Variants in UBE2G2 observed in about 807,000 individuals in gnomAD.
The protein encoded by UBE2G2 is ubiquitin conjugating enzyme E2 G2, also known as ubiquitin-conjugating enzyme E2 G2.
In UBE2G2, 10 loss-of-function variants were observed where a neutral mutation model predicts 23.0. That is an observed-to-expected ratio of 0.43 (90% CI 0.27 to 0.74). UBE2G2 has a LOEUF of 0.74. Among genes scored for constraint, UBE2G2 ranks in the 30% least tolerant of loss-of-function variants. The pLI is 0.19. For missense variants in UBE2G2, 150 were observed against 218.3 expected (o/e 0.69, Z 1.97); for synonymous variants, 86 against 81.3 (o/e 1.06, Z -0.31).
intron 1 of UBE2G2, among the ~76,000 whole-genome samples, chr21:44,796,938 C>G (rs145301795): frequency 6.6e-6 from 1 of 152,178 alleles, no homozygotes; most frequent in African/African-American, 2.4e-5. Context: ...CTCTGACCAC[C>G]CCCATCCTGC....
intron 1 of UBE2G2, among the ~76,000 whole-genome samples, chr21:44,793,183 ACTG>A (rs574417030): frequency 5.4e-4 from 83 of 152,368 alleles, no homozygotes; most frequent in African/African-American, 1.9e-3. Flanking sequence ...TAGACTGTAA[ACTG>A]CTAAGCAGGT....
chr21:44,768,948 C>G lies in UBE2G2; in HGVS notation c.*2429G>C, dbSNP rs1389855096. 1 of 152,176 alleles carries G rather than the reference C, an allele frequency of 6.6e-6. No homozygotes were observed. Among genetic ancestry groups the G allele is most frequent in the East Asian group, 1.9e-4 (1 of 5,178 alleles). The allele number at this position is 152,176 out of a possible 1,614,324, so 9.4% of individuals were successfully genotyped here. A position where few individuals can be genotyped will look rare whatever the true frequency, so the allele number is the denominator to read the frequency against. On this transcript the variant is annotated 3_prime_UTR_variant, in exon 6 of 6. Coordinates refer to ENST00000345496, the MANE Select transcript of UBE2G2 (RefSeq NM_003343.6). ...TAACCCAAGTCTGCAGAAAAGCCCC[C>G]ACCGTGAGGAATCCCAGCTGGGATG...
intron 1 of UBE2G2, among the ~76,000 whole-genome samples, chr21:44,796,687 C>T (rs1256625415): frequency 1.3e-5 from 2 of 152,202 alleles, no homozygotes; most frequent in East Asian, 3.8e-4. Flanking sequence ...TTGATGATCT[C>T]AGAGTTTCCA....
chr21:44,785,098 T>C (rs879995994), intron 3 of UBE2G2, among the ~76,000 whole-genome samples: 1 of 152,198 alleles, frequency 6.6e-6, no homozygotes, highest in Non-Finnish European at 1.5e-5. Flanking sequence ...GGGCAAGACC[T>C]GTAACCATCT....
chr21:44,781,262 G>A (rs2082954001), intron 3 of UBE2G2, among the ~76,000 whole-genome samples: 1 of 152,234 alleles, frequency 6.6e-6, no homozygotes, highest in Non-Finnish European at 1.5e-5. Flanking sequence ...TCCACTCTGG[G>A]GGAAGGATAA....
chr21:44,771,362 G>C lies in UBE2G2; in HGVS notation c.*15C>G. 6.2e-7 allele frequency: 1 copy of C among 1,609,886 alleles called. No homozygotes were observed. The highest frequency in any genetic ancestry group is 1.1e-5 in the South Asian group (1 of 91,038). On this transcript the variant is annotated 3_prime_UTR_variant, in exon 6 of 6. Coordinates refer to ENST00000345496, the MANE Select transcript of UBE2G2 (RefSeq NM_003343.6). This position sits in a 1 kb window ranked among gnomAD's most constrained non-coding sequence, Gnocchi z 4.6. ...GCTGCTTGGCGGTGTGTGCGCGCCT[G>C]TGCGAGGCCAGGTCTCACAGTCCCA... is the stretch of plus-strand genomic sequence containing the variant.
chr21:44,793,669 C>T (rs943109801), intron 1 of UBE2G2, among the ~76,000 whole-genome samples: 10 of 152,086 alleles, frequency 6.6e-5, no homozygotes, highest in Non-Finnish European at 1.2e-4. Flanking sequence ...AAAAAAGAGA[C>T]GAATCTTGGT....
intron 3 of UBE2G2, among the ~76,000 whole-genome samples, chr21:44,777,956 A>G (rs2082925752): frequency 6.6e-6 from 1 of 152,228 alleles, no homozygotes; most frequent in South Asian, 2.1e-4. Flanking sequence ...AAGTACAAAG[A>G]CTGAATTCCA....
In UBE2G2 at chr21:44,789,615, T is replaced by C. The variant is rs1423850668; in HGVS notation, c.44-1520A>G. Among the ~76,000 whole-genome samples the C allele has an allele frequency of 1.8e-4, 28 of 151,796 alleles. 1 individual carries two copies. The highest frequency in any genetic ancestry group is 1.7e-3 in the Admixed American group (26 of 15,248). On this transcript the variant is annotated intron_variant, in intron 1 of 5. Transcript: ENST00000345496. ...GGGCAGTCTTTTCCATGAATGATGC[T>C]CATCTCTAAGACAAAAAAAAATCAA...
rs1271391761 is a variant in UBE2G2, at chr21:44,770,158, C to T, written c.*1219G>A. The T allele has an allele frequency of 6.6e-6, 1 of 152,214 alleles. No individual in the cohort carries two copies. The highest frequency in any genetic ancestry group is 1.5e-5 in the Non-Finnish European group (1 of 68,042). The allele number at this position is 152,214 out of a possible 1,614,324, so 9.4% of individuals were successfully genotyped here. A position where few individuals can be genotyped will look rare whatever the true frequency, so the allele number is the denominator to read the frequency against. ...GCTCTGAGCTAAGATATGGTAGAGT[C>T]CCTTCTGAATTTTGAGTTGCAAAGA... On this transcript the variant is annotated 3_prime_UTR_variant, in exon 6 of 6. Coordinates refer to ENST00000345496, the MANE Select transcript of UBE2G2 (RefSeq NM_003343.6).
intron 4 of UBE2G2, chr21:44,773,949 G>C: frequency 2.8e-6 from 1 of 363,070 alleles, no homozygotes; most frequent in Non-Finnish European, 4.9e-6. Context: ...ACTTTCATAT[G>C]AATTTTTTTC....
chr21:44,778,377 C>T (rs560474100), intron 3 of UBE2G2, among the ~76,000 whole-genome samples: 1 of 152,332 alleles, frequency 6.6e-6, no homozygotes, highest in South Asian at 2.1e-4. Context: ...AGCAACTCCC[C>T]GTCATGGGCA....
At chr21:44,785,335 C>G (rs575854269) in intron 3 of UBE2G2, among the ~76,000 whole-genome samples, 1 of 152,288 alleles carries the variant, frequency 6.6e-6, no homozygotes, top group South Asian at 2.1e-4. Flanking sequence ...ACACAGCCTG[C>G]GGACTCTCAT....
chr21:44,788,734 C>A (rs1214074576), intron 1 of UBE2G2, among the ~76,000 whole-genome samples: 1 of 151,046 alleles, frequency 6.6e-6, no homozygotes, highest in Non-Finnish European at 1.5e-5. Flanking sequence ...GGGTCTCACT[C>A]TGGTTGCCCA....
At chr21:44,784,013 GGGCGTGGT>G (rs1271386271) in intron 3 of UBE2G2, among the ~76,000 whole-genome samples, 1 of 152,264 alleles carries the variant, frequency 6.6e-6, no homozygotes, top group East Asian at 1.9e-4. Context: ...AAAACTAGCT[GGGCGTGGT>G]GGTGTGCACC....
rs1473709992 is a variant in UBE2G2 at position 44,770,000 on chromosome 21, CCT to C, written c.*1375_*1376del. On this transcript the variant is annotated 3_prime_UTR_variant, in exon 6 of 6. Coordinates refer to ENST00000345496, the MANE Select transcript of UBE2G2 (RefSeq NM_003343.6). The stretch of plus-strand genomic sequence containing the variant: ...TCCTGGCCTGTGCTGCTCAGCTGGC[CCT>C]GTTAGAGAACATGGGAACCACATCA... 1.3e-5 allele frequency: 2 copies of C among 152,172 alleles called. No individual in the cohort carries two copies. Among genetic ancestry groups the C allele is most frequent in the Non-Finnish European group, 2.9e-5 (2 of 68,032 alleles). The allele number at this position is 152,172 out of a possible 1,614,324, so 9.4% of individuals were successfully genotyped here. A position where few individuals can be genotyped will look rare whatever the true frequency, so the allele number is the denominator to read the frequency against.
intron 4 of UBE2G2, 123 bp from the exon 5 acceptor site, chr21:44,773,810 A>C: frequency 7.4e-7 from 1 of 1,357,176 alleles, no homozygotes; most frequent in South Asian, 1.4e-5. Context: ...CTGTTTGCAC[A>C]GCTGGGGCAT....
rs2082870274 is a variant in UBE2G2 at position 44,771,105 on chromosome 21, A to T, written c.*272T>A. ...CCATGAACTGCTGGTTTCAGCGGGGAGAGGTAGTGCTGACAGCTCTGATAA... is the reference window on the plus strand; with the variant it reads ...CCATGAACTGCTGGTTTCAGCGGGGTGAGGTAGTGCTGACAGCTCTGATAA... On this transcript the variant is annotated 3_prime_UTR_variant, in exon 6 of 6. Transcript: ENST00000345496. This position sits in a 1 kb window ranked among gnomAD's most constrained non-coding sequence, Gnocchi z 4.6. 2 of 389,362 alleles carry T rather than the reference A, an allele frequency of 5.1e-6. No homozygotes were observed. The highest frequency in any genetic ancestry group is 2.1e-5 in the African/African-American group (1 of 48,424). The allele number at this position is 389,362 out of a possible 1,614,324, so 24.1% of individuals were successfully genotyped here.
chr21:44,786,601 T>C (rs551254586), intron 3 of UBE2G2, among the ~76,000 whole-genome samples: 2 of 152,304 alleles, frequency 1.3e-5, no homozygotes, highest in African/African-American at 4.8e-5. Context: ...GACCAACCCA[T>C]AGAGCATTAA....
Sources: allele counts gnomAD v4.1 joint callset (sites outside exome capture counted in the v4.1 genomes callset), GRCh38; gene constraint gnomAD v4.1.1; non-coding constraint Gnocchi (gnomAD v3.1); transcripts MANE v1.5; gene names NCBI Gene and HGNC (gene_info 2026-07-23, HGNC 2026-07-21).